Variants in SUGCT observed in about 807,000 individuals in gnomAD.
SUGCT encodes the protein succinyl-CoA:glutarate-CoA transferase.
Under a neutral mutation model 55.0 loss-of-function variants are expected in SUGCT, and 41 were observed. The ratio of observed to expected loss-of-function variants is 0.74; its 90% CI spans 0.58 to 0.97. The LOEUF is 0.97. Among genes scored for constraint, SUGCT ranks in the 50% least tolerant of loss-of-function variants. The pLI, the probability that SUGCT is intolerant of heterozygous loss-of-function variation, is 0.00. For synonymous variants in SUGCT, 187 were observed against 200.4 expected (o/e 0.93, Z 0.56); for missense variants, 568 against 547.8 (o/e 1.04, Z -0.37).
the SUGCT span, among the ~76,000 whole-genome samples, chr7:41,004,894 C>G: frequency 6.6e-6 from 1 of 152,134 alleles, no homozygotes; most frequent in African/African-American, 2.4e-5. Flanking sequence ...CAAGATATGG[C>G]AGGAAGTTAA....
At chr7:40,760,167 G>A (rs1788461132) in intron 13 of SUGCT, among the ~76,000 whole-genome samples, 3 of 152,140 alleles carry the variant, frequency 2.0e-5, no homozygotes, top group Non-Finnish European at 2.9e-5. Context: ...ATGGTGCTGT[G>A]TGGGCAAATT....
chr7:40,400,137 TCTTA>T (rs1330924704), intron 9 of SUGCT, among the ~76,000 whole-genome samples: 4 of 152,222 alleles, frequency 2.6e-5, no homozygotes, highest in East Asian at 1.9e-4. Context: ...AGTTTTTTTT[TCTTA>T]CTTCATAAAT....
the SUGCT span, among the ~76,000 whole-genome samples, chr7:40,927,053 A>T: frequency 3.6e-3 from 549 of 152,296 alleles, 4 homozygotes; most frequent in African/African-American, 0.013. Context: ...TATGGGAAAC[A>T]TATTTTGTGA....
intron 12 of SUGCT, among the ~76,000 whole-genome samples, chr7:40,676,670 T>G (rs1784001562): frequency 6.6e-6 from 1 of 151,832 alleles, no homozygotes; most frequent in African/African-American, 2.4e-5. Context: ...ACTGGGCTAA[T>G]TTTTGTATTT....
At chr7:40,346,441 A>G (rs1394685834) in intron 9 of SUGCT, among the ~76,000 whole-genome samples, 1 of 152,130 alleles carries the variant, frequency 6.6e-6, no homozygotes, top group African/African-American at 2.4e-5. Context: ...AGGATAGGGA[A>G]TATAGGTACA....
At chr7:40,246,694 T>G (rs1235491468) in intron 7 of SUGCT, among the ~76,000 whole-genome samples, 3 of 151,840 alleles carry the variant, frequency 2.0e-5, no homozygotes, top group Admixed American at 2.0e-4. Context: ...CCTCCAAGGT[T>G]CAAGCGATTC....
intron 13 of SUGCT, among the ~76,000 whole-genome samples, chr7:40,820,536 G>T (rs1180875460): frequency 6.6e-6 from 1 of 152,170 alleles, no homozygotes; most frequent in East Asian, 1.9e-4. Flanking sequence ...AATAGTGAAT[G>T]GGAGTTCACT....
intron 12 of SUGCT, among the ~76,000 whole-genome samples, chr7:40,517,102 T>C (rs2151565785): frequency 6.6e-6 from 1 of 152,176 alleles, no homozygotes; most frequent in Admixed American, 6.5e-5. Flanking sequence ...GTAAATGAAA[T>C]TTATTTCTTA....
intron 9 of SUGCT, among the ~76,000 whole-genome samples, chr7:40,354,391 G>A (rs559306737): frequency 1.3e-4 from 20 of 152,280 alleles, no homozygotes; most frequent in African/African-American, 4.6e-4. Context: ...AGAAGGAAAT[G>A]TACTTCCTGG....
the SUGCT span, among the ~76,000 whole-genome samples, chr7:40,999,030 A>G: frequency 6.6e-6 from 1 of 152,232 alleles, no homozygotes; most frequent in Non-Finnish European, 1.5e-5. Flanking sequence ...AACATGTTAT[A>G]CACCTGTCTC....
chr7:40,708,019 A>C (rs1441050373), intron 12 of SUGCT, among the ~76,000 whole-genome samples: 1 of 152,218 alleles, frequency 6.6e-6, no homozygotes, highest in Non-Finnish European at 1.5e-5. Context: ...ATTATTTAAT[A>C]ATATTTATAT....
At chr7:40,162,938 A>G (rs1019966022) in intron 1 of SUGCT, among the ~76,000 whole-genome samples, 58 of 152,208 alleles carry the variant, frequency 3.8e-4, no homozygotes, top group African/African-American at 1.3e-3. Context: ...ATTGGGCAGG[A>G]CTGGCGGGGT....
intron 9 of SUGCT, among the ~76,000 whole-genome samples, chr7:40,368,602 C>G (rs559981190): frequency 1.3e-5 from 2 of 152,280 alleles, no homozygotes; most frequent in African/African-American, 4.8e-5. Flanking sequence ...GCTCAGACTT[C>G]AAGTACAAAG....
chr7:40,367,363 A>G (rs1194422949), intron 9 of SUGCT, among the ~76,000 whole-genome samples: 9 of 151,926 alleles, frequency 5.9e-5, no homozygotes, highest in South Asian at 2.1e-4. Context: ...ACATGTATAC[A>G]TATGTAACTA....
intron 12 of SUGCT, among the ~76,000 whole-genome samples, chr7:40,654,660 A>G (rs1166702401): frequency 6.6e-6 from 1 of 152,166 alleles, no homozygotes; most frequent in African/African-American, 2.4e-5. Flanking sequence ...GACCCAAACC[A>G]AGTGCCTGAA....
chr7:40,305,604 A>G (rs557291193), intron 8 of SUGCT, among the ~76,000 whole-genome samples: 1 of 152,218 alleles, frequency 6.6e-6, no homozygotes, highest in South Asian at 2.1e-4. Context: ...TCTTGCTTAG[A>G]ACTCCACATC....
the SUGCT span, among the ~76,000 whole-genome samples, chr7:40,891,500 A>G: frequency 1.1e-4 from 17 of 152,188 alleles, no homozygotes; most frequent in Non-Finnish European, 2.5e-4. Flanking sequence ...AGAAAGTGAG[A>G]TGATATATAA....
At chr7:40,601,414 A>G (rs1435985480) in intron 12 of SUGCT, among the ~76,000 whole-genome samples, 1 of 152,210 alleles carries the variant, frequency 6.6e-6, no homozygotes, top group East Asian at 1.9e-4. Flanking sequence ...TCTTTGAGGT[A>G]CTCATGTAAT....
At chr7:41,017,428 T>G in the SUGCT span, among the ~76,000 whole-genome samples, 2 of 152,158 alleles carry the variant, frequency 1.3e-5, no homozygotes, top group Non-Finnish European at 2.9e-5. Context: ...CTTCTTCACA[T>G]CAAGGATATC....
Sources: allele counts gnomAD v4.1 joint callset (sites outside exome capture counted in the v4.1 genomes callset), GRCh38; gene constraint gnomAD v4.1.1; transcripts MANE v1.5; gene names NCBI Gene and HGNC (gene_info 2026-07-23, HGNC 2026-07-21).